SIGLEC15: variants seen among roughly 807,000 people sequenced by gnomAD.
The protein encoded by SIGLEC15 is sialic acid binding Ig like lectin 15, also known as sialic acid-binding Ig-like lectin 15.
SIGLEC15 carries 31 observed loss-of-function variants against 26.2 expected under a neutral mutation model. The ratio of observed to expected loss-of-function variants is 1.18; its 90% CI spans 0.89 to 1.60. The LOEUF (loss-of-function observed/expected upper bound fraction) is 1.60. Among genes scored for constraint, SIGLEC15 ranks in the 40% most tolerant of loss-of-function variants. The pLI is 0.00. For synonymous variants in SIGLEC15, 207 were observed against 221.9 expected, an observed-to-expected ratio of 0.93 and a Z score of 0.60; for missense variants, 501 against 488.4, an observed-to-expected ratio of 1.03 and a Z score of -0.24.
At chr18:45,840,120 AC>A in intron 4 of SIGLEC15, 90 bp from the exon 5 acceptor site, 1 of 1,439,288 alleles carries the variant, frequency 6.9e-7, no homozygotes, top group Admixed American at 1.8e-5. Flanking sequence ...TTTCCTCGAG[AC>A]CCCTTCCACA....
rs2048342572 is a variant in SIGLEC15, at chr18:45,843,542, A to G, written c.*1355A>G. On this transcript the variant is annotated 3_prime_UTR_variant, in exon 6 of 6. Coordinates refer to ENST00000389474, the MANE Select transcript of SIGLEC15 (RefSeq NM_213602.3). ...CCCCATATACTATTGGTGGGAATGT[A>G]AATTAGTATAGCCACTATGGAGAAC... 1 of 152,258 alleles carries G rather than the reference A, an allele frequency of 6.6e-6. No homozygotes were observed. The highest frequency in any genetic ancestry group is 2.4e-5 in the African/African-American group (1 of 41,466). 9.4% of individuals were successfully genotyped at this position (152,258 alleles called of 1,614,324 possible).
chr18:45,840,225 C>A lies in SIGLEC15; in HGVS notation c.889C>A (p.Pro297Thr). The A allele has an allele frequency of 6.2e-7, 1 of 1,612,836 alleles. No homozygotes were observed. The highest frequency in any genetic ancestry group is 1.1e-5 in the South Asian group (1 of 90,842). Residue 297 changes from proline to threonine, a missense_variant, in exon 5 of 6, where the codon CCG (proline) becomes ACG (threonine). Physicochemically the swap from Pro to Thr is conservative, Grantham distance 38. Coordinates refer to ENST00000389474, the MANE Select transcript of SIGLEC15 (RefSeq NM_213602.3). Reference sequence around the variant, plus strand: ...CCCTCCCACAGAGCATCTGGACACCCCGGACACCCCACCACGGTAAGTGAG... The same window carrying A: ...CCCTCCCACAGAGCATCTGGACACCACGGACACCCCACCACGGTAAGTGAG... ...ARRRPEHLDT[P>T]DTPPRSQAQE... is the part of the protein sequence containing the mutation.
chr18:45,830,396 G>A (rs1016508921), intron 1 of SIGLEC15, among the ~76,000 whole-genome samples: 1 of 152,150 alleles, frequency 6.6e-6, no homozygotes, highest in Non-Finnish European at 1.5e-5. Flanking sequence ...GCAATGATGT[G>A]AGAGCTAATG....
intron 1 of SIGLEC15, chr18:45,829,200 C>T (rs2048212043): frequency 1.0e-6 from 1 of 966,198 alleles, no homozygotes. Context: ...AGGGCCACAC[C>T]CACGCCACAG....
chr18:45,837,278 CA>C (rs2048283059), intron 2 of SIGLEC15, among the ~76,000 whole-genome samples, 190 bp downstream of exon 2: 1 of 152,214 alleles, frequency 6.6e-6, no homozygotes, highest in Non-Finnish European at 1.5e-5. Flanking sequence ...CGCGGGAACG[CA>C]GGCACTCCCA....
At position 45,837,702 on chromosome 18, in the gene SIGLEC15, G is replaced by A; in HGVS notation, c.302G>A (p.Ser101Asn). The A allele has an allele frequency of 1.4e-6, 2 of 1,480,396 alleles. No homozygotes were observed. Among genetic ancestry groups the A allele is most frequent in the Non-Finnish European group, 8.9e-7 (1 of 1,124,964 alleles). The allele number at this position is 1,480,396 out of a possible 1,614,324, so 91.7% of individuals were successfully genotyped here. ...QVFRCAAARGSELCQTALSLH... is the reference protein window; with the variant it reads ...QVFRCAAARGNELCQTALSLH... ...TTCCGCTGCGCTGCGGCGCGGGGCA[G>A]CGAGCTCTGCCAGACGGCGCTGAGC... is the stretch of plus-strand genomic sequence containing the variant. Residue 101 changes from serine (S) to asparagine (N), a missense_variant, in exon 3 of 6, where the codon AGC (serine) becomes AAC (asparagine). By Grantham distance (46) the Ser-to-Asn change is conservative. Transcript: ENST00000389474.
chr18:45,827,178 A>T (rs573412620), intron 1 of SIGLEC15, among the ~76,000 whole-genome samples: 5 of 152,196 alleles, frequency 3.3e-5, no homozygotes, highest in Non-Finnish European at 5.9e-5. Flanking sequence ...GGCCTCCCAA[A>T]GTGCTGAGAT....
chr18:45,832,765 C>T (rs2048246107), intron 1 of SIGLEC15, among the ~76,000 whole-genome samples: 1 of 152,150 alleles, frequency 6.6e-6, no homozygotes, highest in Non-Finnish European at 1.5e-5. Context: ...GCATAAGCTG[C>T]CAGAGGGAAT....
At chr18:45,826,066 G>C (rs2048182973) in intron 1 of SIGLEC15, among the ~76,000 whole-genome samples, 1 of 152,170 alleles carries the variant, frequency 6.6e-6, no homozygotes. Flanking sequence ...AGCATCCAGA[G>C]GACAATAGGC....
At chr18:45,834,497 A>G (rs529823885) in intron 1 of SIGLEC15, among the ~76,000 whole-genome samples, 4 of 152,204 alleles carry the variant, frequency 2.6e-5, no homozygotes, top group Admixed American at 6.5e-5. Flanking sequence ...TGTAGGAAAG[A>G]CTCAGTGGAA....
rs754507289 is a variant in SIGLEC15, at chr18:45,837,693, C to T, written c.293C>T (p.Ala98Val). The T allele has an allele frequency of 1.6e-5, 24 of 1,476,218 alleles. No individual in the cohort carries two copies. In the African/African-American group the frequency reaches 2.9e-4, roughly 18 times the overall value. The allele number at this position is 1,476,218 out of a possible 1,614,324, so 91.4% of individuals were successfully genotyped here. The change falls in exon 3 of 6, where the codon GCG (alanine) becomes GTG (valine). Residue 98 changes from alanine to valine, a missense_variant. Ala to Val is a moderately conservative substitution (Grantham distance 64). Transcript: ENST00000389474. ...CCGCAGGTGTTCCGCTGCGCTGCGG[C>T]GCGGGGCAGCGAGCTCTGCCAGACG... ...AGPQVFRCAA[A>V]RGSELCQTAL...
At chr18:45,837,174 G>A in intron 2 of SIGLEC15, 86 bp downstream of exon 2, 4 of 1,565,294 alleles carry the variant, frequency 2.6e-6, no homozygotes, top group South Asian at 1.2e-5. Context: ...CACAGGGCAG[G>A]TTTTGATGGG....
At chr18:45,839,430 A>T (rs980701952) in intron 4 of SIGLEC15, among the ~76,000 whole-genome samples, 1 of 152,094 alleles carries the variant, frequency 6.6e-6, no homozygotes, top group African/African-American at 2.4e-5. Flanking sequence ...CTGACTACAG[A>T]CCTTCCTAAA....
Position 45,837,606 on chromosome 18 carries a change from C to G in SIGLEC15, c.206C>G (p.Pro69Arg). The G allele has an allele frequency of 6.6e-7, 1 of 1,509,850 alleles. No homozygotes were observed. Among genetic ancestry groups the G allele is most frequent in the Non-Finnish European group, 8.8e-7 (1 of 1,136,744 alleles). The allele number at this position is 1,509,850 out of a possible 1,614,324, so 93.5% of individuals were successfully genotyped here. A position where few individuals can be genotyped will look rare whatever the true frequency, so the allele number is the denominator to read the frequency against. The change falls in exon 3 of 6, where the codon CCG (proline) becomes CGG (arginine). Residue 69 changes from proline to arginine, a missense_variant. Pro to Arg is a moderately radical substitution (Grantham distance 103, BLOSUM62 -2). Transcript: ENST00000389474. Reference protein sequence around the residue: ...AAVLPCTFTHPHRHYDGPLTA... With the variant: ...AAVLPCTFTHRHRHYDGPLTA... ...GTGCTGCCCTGCACCTTCACGCACC[C>G]GCACCGCCACTACGACGGGCCGCTG...
chr18:45,837,758 C>T lies in SIGLEC15; in HGVS notation c.358C>T (p.Pro120Ser). 6.6e-7 allele frequency: 1 copy of T among 1,519,616 alleles called. No individual in the cohort carries two copies. Among genetic ancestry groups the T allele is most frequent in the Non-Finnish European group, 8.8e-7 (1 of 1,142,274 alleles). The allele number at this position is 1,519,616 out of a possible 1,614,324, so 94.1% of individuals were successfully genotyped here. A position where few individuals can be genotyped will look rare whatever the true frequency, so the allele number is the denominator to read the frequency against. ...CGGCCGCTTCCGGCTGCTGGGCAAC[C>T]CGCGCCGCAACGACCTCTCGCTGCG... is the stretch of plus-strand genomic sequence containing the variant. ...LHGRFRLLGN[P>S]RRNDLSLRVE... Residue 120 changes from proline to serine, a missense_variant, in exon 3 of 6, where the codon CCG (proline) becomes TCG (serine). By Grantham distance (74) the Pro-to-Ser change is moderately conservative. Coordinates refer to ENST00000389474, the MANE Select transcript of SIGLEC15 (RefSeq NM_213602.3).
intron 1 of SIGLEC15, among the ~76,000 whole-genome samples, chr18:45,830,845 G>A (rs970583084): frequency 6.7e-5 from 10 of 148,902 alleles, no homozygotes; most frequent in South Asian, 6.3e-4. Flanking sequence ...TGATCTGCCC[G>A]CCTCAGCCTC....
intron 1 of SIGLEC15, among the ~76,000 whole-genome samples, chr18:45,831,743 C>CTTTT (rs3068941): frequency 6.8e-5 from 10 of 146,820 alleles, no homozygotes; most frequent in African/African-American, 1.5e-4. Context: ...GTACCAACAT[C>CTTTT]TTTTTTTTTT....
At chr18:45,836,099 T>G (rs1392485586) in intron 1 of SIGLEC15, among the ~76,000 whole-genome samples, 1 of 152,210 alleles carries the variant, frequency 6.6e-6, no homozygotes, top group Non-Finnish European at 1.5e-5. Context: ...GAGGATGGTC[T>G]GCCAGCGATG....
At chr18:45,829,955 T>G (rs758120705) in intron 1 of SIGLEC15, among the ~76,000 whole-genome samples, 1 of 152,152 alleles carries the variant, frequency 6.6e-6, no homozygotes, top group Non-Finnish European at 1.5e-5. Flanking sequence ...TGGCCATTAT[T>G]CCACCACGAC....
Sources: allele counts gnomAD v4.1 joint callset (sites outside exome capture counted in the v4.1 genomes callset), GRCh38; gene constraint gnomAD v4.1.1; transcripts MANE v1.5; gene names NCBI Gene and HGNC (gene_info 2026-07-23, HGNC 2026-07-21).